DZIP3: variants seen among roughly 807,000 people sequenced by gnomAD.
DZIP3 encodes the protein E3 ubiquitin-protein ligase DZIP3.
Under a neutral mutation model 162.0 loss-of-function variants are expected in DZIP3, and 118 were observed. The ratio of observed to expected loss-of-function variants is 0.73; its 90% CI spans 0.63 to 0.85. The LOEUF is 0.85. Among genes scored for constraint, DZIP3 ranks in the 40% least tolerant of loss-of-function variants. DZIP3 has a pLI of 0.00. For missense variants in DZIP3, 1,331 were observed against 1,407.0 expected, an observed-to-expected ratio of 0.95 and a Z score of 0.86; for synonymous variants, 438 against 458.6, an observed-to-expected ratio of 0.96 and a Z score of 0.57.
At chr3:108,611,963 CA>C (rs10663799) in intron 4 of DZIP3, among the ~76,000 whole-genome samples, 34 of 141,858 alleles carry the variant, frequency 2.4e-4, no homozygotes, top group Non-Finnish European at 2.5e-4. Context: ...CACTCTGTCT[CA>C]AAAAAAAAAA....
intron 3 of DZIP3, 57 bp downstream of exon 3, chr3:108,608,215 G>T: frequency 7.4e-7 from 1 of 1,347,498 alleles, no homozygotes. Context: ...AATTATATAT[G>T]CAAATGCAGT....
Position 108,690,779 on chromosome 3 carries a change from C to T in DZIP3, c.3517-8C>T. On this transcript the variant is annotated splice_polypyrimidine_tract_variant and splice_region_variant and intron_variant, in intron 31 of 32. Coordinates refer to ENST00000361582, the MANE Select transcript of DZIP3 (RefSeq NM_014648.4). ...TGAGAGACTGACATAAATCTTTTTGCTCCTTAGTGCATTAGACCATGGTTG... is the reference window on the plus strand; with the variant it reads ...TGAGAGACTGACATAAATCTTTTTGTTCCTTAGTGCATTAGACCATGGTTG... 2 of 1,612,026 alleles carry T rather than the reference C, an allele frequency of 1.2e-6. No homozygotes were observed. The highest frequency in any genetic ancestry group is 1.7e-6 in the Non-Finnish European group (2 of 1,178,698).
chr3:108,589,567 G>T, upstream of DZIP3: 1 of 490,228 alleles, frequency 2.0e-6, no homozygotes, highest in East Asian at 3.4e-5. Context: ...GCCAGGGGTC[G>T]AGGTGATTTG....
intron 1 of DZIP3, among the ~76,000 whole-genome samples, chr3:108,592,180 A>G (rs1221684973): frequency 6.6e-6 from 1 of 152,104 alleles, no homozygotes; most frequent in East Asian, 1.9e-4. Context: ...GGAAAGAGGG[A>G]CACTAATTTT....
At position 108,611,258 on chromosome 3, in the gene DZIP3, A is replaced by G; in HGVS notation, c.187A>G (p.Thr63Ala). 6.2e-7 allele frequency: 1 copy of G among 1,612,754 alleles called. No individual in the cohort carries two copies. The highest frequency in any genetic ancestry group is 8.5e-7 in the Non-Finnish European group (1 of 1,179,600). ...GAAGAAGTTATTAAATGCAATTAAT[A>G]CTCTACCAAAAGGTGTGGTTCCTCA... The part of the protein sequence containing the change: ...EVKKLLNAIN[T>A]LPKGVVPHIK... Residue 63 changes from threonine (T) to alanine (A), a missense_variant, in exon 4 of 33, where the codon ACT becomes GCT. Thr to Ala is a moderately conservative substitution (Grantham distance 58, BLOSUM62 0). Transcript: ENST00000361582.
chr3:108,605,259 G>A (rs1940272013), intron 1 of DZIP3, 76 bp from the exon 2 acceptor site: 1 of 1,077,472 alleles, frequency 9.3e-7, no homozygotes, highest in South Asian at 1.4e-5. Flanking sequence ...TTCTTCAAAT[G>A]ATCACGTTCT....
intron 19 of DZIP3, among the ~76,000 whole-genome samples, chr3:108,657,102 G>C (rs1464324264): frequency 6.6e-6 from 1 of 152,188 alleles, no homozygotes; most frequent in African/African-American, 2.4e-5. Context: ...TAGCAAGGCA[G>C]GCTAGATTGT....
At position 108,647,946 on chromosome 3, in the gene DZIP3, T is replaced by C; in HGVS notation, c.1796T>C (p.Ile599Thr). The C allele has an allele frequency of 1.3e-6, 2 of 1,536,286 alleles. No individual in the cohort carries two copies. The highest frequency in any genetic ancestry group is 1.7e-6 in the Non-Finnish European group (2 of 1,148,134). ...GAATTTTGTCTTTTATGTTTAGGTA[T>C]TGAAATAGAAGAGTTACAGAATGAG... Reference protein sequence around the residue: ...ALQSITGSQRIEIEELQNEEE... With the variant: ...ALQSITGSQRTEIEELQNEEE... The change falls in exon 16 of 33, where the codon ATT becomes ACT. Residue 599 changes from isoleucine to threonine, a missense_variant. Physicochemically the swap from Ile to Thr is moderately conservative, Grantham distance 89. Coordinates refer to ENST00000361582, the MANE Select transcript of DZIP3 (RefSeq NM_014648.4).
intron 8 of DZIP3, among the ~76,000 whole-genome samples, chr3:108,631,093 T>TCTCTCTCTCTCTCTCTCTCTCC (rs1235604547): frequency 9.7e-5 from 14 of 144,816 alleles, no homozygotes; most frequent in African/African-American, 3.4e-4. Context: ...TCTCTCTCTC[T>TCTCTCTCTCTCTCTCTCTCTCC]CCTATCCTAC....
At chr3:108,605,539 A>T (rs1940301555) in intron 2 of DZIP3, 101 bp downstream of exon 2, 1 of 1,228,558 alleles carries the variant, frequency 8.1e-7, no homozygotes, top group East Asian at 2.4e-5. Context: ...TTTGGGGTGA[A>T]ACTGTTCGAC....
At chr3:108,614,536 G>GC (rs965316629) in intron 4 of DZIP3, among the ~76,000 whole-genome samples, 9 of 151,994 alleles carry the variant, frequency 5.9e-5, no homozygotes, top group Admixed American at 2.6e-4. Flanking sequence ...TTCTGTCATT[G>GC]CCCCCCCATA....
chr3:108,671,889 A>C (rs1271043475), intron 22 of DZIP3, among the ~76,000 whole-genome samples: 1 of 151,970 alleles, frequency 6.6e-6, no homozygotes, highest in African/African-American at 2.4e-5. Context: ...GTATAGAGAA[A>C]TTAAATAGCT....
At chr3:108,620,767 T>G (rs1236201254) in intron 5 of DZIP3, among the ~76,000 whole-genome samples, 4 of 152,208 alleles carry the variant, frequency 2.6e-5, no homozygotes, top group Non-Finnish European at 5.9e-5. Context: ...TTTTGCAGAA[T>G]CCATGTGGGA....
At chr3:108,604,287 C>T (rs753674719) in intron 1 of DZIP3, among the ~76,000 whole-genome samples, 41 of 152,152 alleles carry the variant, frequency 2.7e-4, no homozygotes, top group Non-Finnish European at 4.3e-4. Flanking sequence ...AGGCAGCCTA[C>T]GTCCATTTTA....
chr3:108,604,084 A>G (rs1343286788), intron 1 of DZIP3, among the ~76,000 whole-genome samples: 2 of 152,180 alleles, frequency 1.3e-5, no homozygotes, highest in East Asian at 1.9e-4. Flanking sequence ...TGTGGAATAT[A>G]TTTTATTGAT....
At chr3:108,659,070 G>A (rs1943289633) in intron 19 of DZIP3, among the ~76,000 whole-genome samples, 1 of 152,160 alleles carries the variant, frequency 6.6e-6, no homozygotes, top group African/African-American at 2.4e-5. Flanking sequence ...GGTACAAGGA[G>A]GAGCTGGTAC....
At chr3:108,675,536 G>C (rs894914258) in intron 24 of DZIP3, among the ~76,000 whole-genome samples, 3 of 151,962 alleles carry the variant, frequency 2.0e-5, no homozygotes, top group Non-Finnish European at 4.4e-5. Flanking sequence ...ACATCATCAA[G>C]ATAGAAAAAA....
intron 10 of DZIP3, among the ~76,000 whole-genome samples, chr3:108,635,219 GT>G (rs1942082587): frequency 6.6e-6 from 1 of 151,766 alleles, no homozygotes. Context: ...CTACTAGTTA[GT>G]TGGTTTGCTT....
At chr3:108,620,801 G>T (rs552195733) in intron 5 of DZIP3, among the ~76,000 whole-genome samples, 6 of 152,138 alleles carry the variant, frequency 3.9e-5, no homozygotes, top group Admixed American at 3.9e-4. Context: ...TGATTTAAAA[G>T]ATCATTGTTT....
Sources: gnomAD v4.1 joint callset for allele counts (sites outside exome capture counted in the v4.1 genomes callset) on GRCh38, gnomAD v4.1.1 for gene constraint, MANE v1.5 for transcripts, NCBI Gene and HGNC (gene_info 2026-07-23, HGNC 2026-07-21) for gene names.